The following ADARB1 variants were observed in gnomAD, a reference collection of about 807,000 sequenced individuals.
ADARB1 encodes adenosine deaminase RNA specific B1, also known as double-stranded RNA-specific editase 1.
A neutral mutation model predicts 52.4 loss-of-function variants in ADARB1; 10 were observed. The ratio of observed to expected loss-of-function variants is 0.19; its 90% CI spans 0.12 to 0.32. The LOEUF (loss-of-function observed/expected upper bound fraction) is 0.32. ADARB1 is among the 10% of genes least tolerant of loss of function. ADARB1 has a pLI of 1.00. For missense variants in ADARB1, 643 were observed against 922.3 expected (o/e 0.70, Z 3.92); for synonymous variants, 349 against 371.1 (o/e 0.94, Z 0.68).
chr21:45,202,115 C>T (rs1290157841), intron 8 of ADARB1, among the ~76,000 whole-genome samples: 1 of 151,818 alleles, frequency 6.6e-6, no homozygotes, highest in African/African-American at 2.4e-5. Context: ...TGTGCTGGCC[C>T]ACGTGTTCAC....
At position 45,210,011 on chromosome 21, in the gene ADARB1, C is replaced by T. The variant is rs562389862; in HGVS notation, c.1747+5275C>T. Among the ~76,000 whole-genome samples the T allele has an allele frequency of 1.2e-4, 18 of 152,320 alleles. No individual in the cohort carries two copies. In the South Asian group the frequency reaches 3.5e-3, roughly 30 times the overall value. On this transcript the variant is annotated intron_variant, in intron 9 of 10. Transcript: ENST00000348831. ...TCTCAGGAGTGAACTGTTTTCCCCGCGGAGCAGGCTCCCCGGGAGCTCATG... is the reference window on the plus strand; with the variant it reads ...TCTCAGGAGTGAACTGTTTTCCCCGTGGAGCAGGCTCCCCGGGAGCTCATG...
intron 1 of ADARB1, among the ~76,000 whole-genome samples, chr21:45,093,668 A>G (rs1166563639): frequency 3.9e-5 from 6 of 152,134 alleles, no homozygotes; most frequent in Non-Finnish European, 7.4e-5. Context: ...TCTTTTCTCC[A>G]GGGGGCTCCT....
chr21:45,221,974 G>C lies in ADARB1; in HGVS notation c.1927-44G>C. ...ATCTTATTAGGTGTTGTTTTCATCT[G>C]TTACAGCGTCAACAGTTGCATTTGT... On this transcript the variant is annotated intron_variant, in intron 10 of 10. Transcript: ENST00000348831. This position sits in a 1 kb window ranked among gnomAD's most constrained non-coding sequence, Gnocchi z 4.9. 1.3e-6 allele frequency: 2 copies of C among 1,591,284 alleles called. No homozygotes were observed. Among genetic ancestry groups the C allele is most frequent in the South Asian group, 2.2e-5 (2 of 89,626 alleles).
chr21:45,104,774 C>T (rs1005052426), intron 1 of ADARB1, among the ~76,000 whole-genome samples: 1 of 152,206 alleles, frequency 6.6e-6, no homozygotes, highest in African/African-American at 2.4e-5. Context: ...GTAGATGTTT[C>T]CTGCTGTCCT....
intron 9 of ADARB1, among the ~76,000 whole-genome samples, chr21:45,209,560 AC>A (rs1216623944): frequency 6.6e-6 from 1 of 151,994 alleles, no homozygotes; most frequent in Non-Finnish European, 1.5e-5. Flanking sequence ...GCTCTGCCCT[AC>A]CCCAAGGACA....
chr21:45,119,867 C>T (rs916634191), intron 1 of ADARB1, among the ~76,000 whole-genome samples: 2 of 152,142 alleles, frequency 1.3e-5, no homozygotes, highest in South Asian at 2.1e-4. Flanking sequence ...AAATGGACAT[C>T]GAAATGATAA....
intron 1 of ADARB1, chr21:45,100,405 C>T (rs2086949972): frequency 6.6e-6 from 1 of 152,302 alleles, no homozygotes; most frequent in Non-Finnish European, 1.5e-5. Flanking sequence ...TGCAAGGCTA[C>T]AGGTGGCAGA....
intron 6 of ADARB1, 114 bp downstream of exon 6, chr21:45,182,867 C>A: frequency 1.9e-6 from 2 of 1,069,516 alleles, no homozygotes; most frequent in Non-Finnish European, 2.6e-6. Flanking sequence ...CTCTCAAAAT[C>A]ATAACTTTAA....
intron 2 of ADARB1, among the ~76,000 whole-genome samples, chr21:45,169,071 C>CACT (rs1177531237): frequency 2.0e-5 from 3 of 152,196 alleles, no homozygotes; most frequent in Non-Finnish European, 2.9e-5. Context: ...AGGGCCTCAT[C>CACT]ACTGCTCCAT....
rs367601055 is a variant in ADARB1, at chr21:45,124,590, C to G, written c.-219-3812C>G. Among the ~76,000 whole-genome samples, 10 of 152,236 alleles carry G rather than the reference C, an allele frequency of 6.6e-5. No individual in the cohort carries two copies. The East Asian group carries it at 1.9e-3, about 29-fold the overall frequency. Reference sequence around the variant, plus strand: ...ACAAGGTCTCACTATGTTGCCAGGACTGATCTTGAATTCCTGGGCTCAAGC... The same window carrying G: ...ACAAGGTCTCACTATGTTGCCAGGAGTGATCTTGAATTCCTGGGCTCAAGC... On this transcript the variant is annotated intron_variant, in intron 1 of 10. Coordinates refer to ENST00000348831, the MANE Select transcript of ADARB1 (RefSeq NM_001112.4).
chr21:45,197,963 T>C (rs1397731990), intron 8 of ADARB1, among the ~76,000 whole-genome samples: 1 of 152,070 alleles, frequency 6.6e-6, no homozygotes, highest in Non-Finnish European at 1.5e-5. Context: ...GTCACATGGG[T>C]ACATACAAAT....
chr21:45,103,296 C>T (rs896492561), intron 1 of ADARB1, among the ~76,000 whole-genome samples: 1 of 151,994 alleles, frequency 6.6e-6, no homozygotes, highest in African/African-American at 2.4e-5. Context: ...ACAATTTTTC[C>T]ATGGGCCGAG....
rs758520561 is a variant in ADARB1 at position 45,183,523 on chromosome 21, ATTC to A, written c.1396+17_1396+19del. The stretch of plus-strand genomic sequence containing the variant: ...CCAATCCTGGAAGGTATGAGACGAG[ATTC>A]TTCAACAAGCCAGTTTCTCAAGAAA... On this transcript the variant is annotated intron_variant, in intron 7 of 10. Transcript: ENST00000348831. The A allele has an allele frequency of 5.6e-6, 9 of 1,610,358 alleles. No homozygotes were observed. The South Asian group carries it at 1.0e-4, about 18-fold the overall frequency.
chr21:45,219,471 C>T (rs1328757831), intron 9 of ADARB1, among the ~76,000 whole-genome samples: 2 of 152,164 alleles, frequency 1.3e-5, no homozygotes, highest in African/African-American at 2.4e-5. Context: ...TTGCAGCAAG[C>T]CAAGATCGCA....
intron 1 of ADARB1, among the ~76,000 whole-genome samples, chr21:45,090,644 GCACTCA>G: frequency 6.6e-6 from 1 of 152,268 alleles, no homozygotes. Flanking sequence ...ATATCTGTGT[GCACTCA>G]CACAACCATC....
chr21:45,135,936 C>T (rs779027855), intron 2 of ADARB1, among the ~76,000 whole-genome samples: 1 of 152,130 alleles, frequency 6.6e-6, no homozygotes, highest in Non-Finnish European at 1.5e-5. Context: ...TGACCATGCA[C>T]AGCCCCTTTC....
At chr21:45,215,127 A>T (rs997256496) in intron 9 of ADARB1, among the ~76,000 whole-genome samples, 21 of 152,154 alleles carry the variant, frequency 1.4e-4, no homozygotes, top group African/African-American at 5.1e-4. Flanking sequence ...AGCTCATTGT[A>T]ACCTGAAACT....
chr21:45,134,883 GGCTGCCGTTGACAGCTGGGTGAGTCCCCT>G, intron 2 of ADARB1: 1 of 522,838 alleles, frequency 1.9e-6, no homozygotes, highest in South Asian at 1.4e-5. Flanking sequence ...CCACACCCCT[GGCTGCCGTTGACAGCTGGGTGAGTCCCCT>G]GCTGCCTGGG....
At chr21:45,196,904 G>A (rs540704981) in intron 8 of ADARB1, among the ~76,000 whole-genome samples, 1 of 152,310 alleles carries the variant, frequency 6.6e-6, no homozygotes, top group African/African-American at 2.4e-5. Flanking sequence ...TTTAAAGACA[G>A]TTTGACACAG....
Sources: gnomAD v4.1 joint callset for allele counts (sites outside exome capture counted in the v4.1 genomes callset) on GRCh38, gnomAD v4.1.1 for gene constraint, Gnocchi (gnomAD v3.1) non-coding constraint, MANE v1.5 for transcripts, NCBI Gene and HGNC (gene_info 2026-07-23, HGNC 2026-07-21) for gene names.